The following OLFM3 variants were observed in gnomAD, a reference collection of about 807,000 sequenced individuals.
OLFM3 encodes olfactomedin 3.
OLFM3 carries 20 observed loss-of-function variants against 48.6 expected under a neutral mutation model. That is an observed-to-expected ratio of 0.41 (90% CI 0.29 to 0.60). The LOEUF is 0.60. Ranked by LOEUF, OLFM3 falls within the 20% of genes least tolerant of loss-of-function variation. The pLI is 0.28. For missense variants in OLFM3, 437 were observed against 544.3 expected, an observed-to-expected ratio of 0.80 and a Z score of 1.96; for synonymous variants, 222 against 198.1, an observed-to-expected ratio of 1.12 and a Z score of -1.01.
intron 1 of OLFM3, among the ~76,000 whole-genome samples, chr1:101,873,937 ATC>A: frequency 6.6e-6 from 1 of 151,904 alleles, no homozygotes; most frequent in Non-Finnish European, 1.5e-5. Context: ...AAAATAATTA[ATC>A]TCCAACTTCA....
intron 1 of OLFM3, chr1:101,882,384 TTA>T (rs1451887852): frequency 1.3e-5 from 2 of 149,358 alleles, no homozygotes; most frequent in African/African-American, 4.9e-5. Context: ...TCTGATATTG[TTA>T]TATAATCATA....
chr1:101,892,296 T>C (rs1177973916), intron 1 of OLFM3, among the ~76,000 whole-genome samples: 3 of 151,980 alleles, frequency 2.0e-5, no homozygotes, highest in Non-Finnish European at 4.4e-5. Context: ...GTATTCTCCA[T>C]AAACCCTTCT....
rs1425547452 is a variant in OLFM3, at chr1:101,915,375, G to T, written c.70-78350C>A. ...GGGATTTAATCTGTTAAAAAAAAAA[G>T]CATGTTTAAAACAAGTAAAGGGCAC... On this transcript the variant is annotated intron_variant, in intron 1 of 5. Coordinates refer to ENST00000370103, the MANE Select transcript of OLFM3 (RefSeq NM_058170.4). 6.6e-5 allele frequency among the ~76,000 whole-genome samples: 10 copies of T among 150,976 alleles called. No homozygotes were observed. In the South Asian group the frequency reaches 2.1e-3, roughly 32 times the overall value.
intron 1 of OLFM3, among the ~76,000 whole-genome samples, chr1:101,861,624 C>T (rs1656660602): frequency 6.6e-6 from 1 of 152,106 alleles, no homozygotes. Flanking sequence ...TCTTACTGTC[C>T]ATGTGAAGTT....
At chr1:101,814,218 T>C (rs1016841147) in intron 4 of OLFM3, among the ~76,000 whole-genome samples, 1 of 152,028 alleles carries the variant, frequency 6.6e-6, no homozygotes. Flanking sequence ...AGCTTTTGTA[T>C]GTGACCTATG....
At chr1:101,986,910 T>G (rs1661258276) in intron 1 of OLFM3, among the ~76,000 whole-genome samples, 1 of 152,138 alleles carries the variant, frequency 6.6e-6, no homozygotes, top group African/African-American at 2.4e-5. Context: ...ACTGAAATAT[T>G]TAAATACATA....
intron 1 of OLFM3, among the ~76,000 whole-genome samples, chr1:101,972,039 T>C (rs1660819304): frequency 1.3e-5 from 2 of 152,104 alleles, no homozygotes; most frequent in South Asian, 4.1e-4. Context: ...AATTTATTTC[T>C]TTTTAAATCA....
chr1:101,964,121 T>C (rs761019916), intron 1 of OLFM3, among the ~76,000 whole-genome samples: 1 of 152,182 alleles, frequency 6.6e-6, no homozygotes, highest in Non-Finnish European at 1.5e-5. Context: ...CAAAGCTTTA[T>C]AGAAGAGATT....
At chr1:101,918,328 T>C (rs1373750341) in intron 1 of OLFM3, among the ~76,000 whole-genome samples, 1 of 152,166 alleles carries the variant, frequency 6.6e-6, no homozygotes, top group Non-Finnish European at 1.5e-5. Flanking sequence ...CAAATTAATA[T>C]CTTAAGTTGT....
chr1:101,968,956 A>G (rs1163175240), intron 1 of OLFM3, among the ~76,000 whole-genome samples: 2 of 152,198 alleles, frequency 1.3e-5, no homozygotes, highest in African/African-American at 4.8e-5. Context: ...AGATAGCTCC[A>G]TAGAGCCTTT....
intron 1 of OLFM3, among the ~76,000 whole-genome samples, chr1:101,851,830 A>G (rs531736277): frequency 7.9e-5 from 12 of 152,252 alleles, no homozygotes; most frequent in South Asian, 2.1e-4. Flanking sequence ...CCTCTGTGCA[A>G]TAAATCAGTT....
chr1:101,969,747 T>C (rs1404806764), intron 1 of OLFM3, among the ~76,000 whole-genome samples: 1 of 152,046 alleles, frequency 6.6e-6, no homozygotes, highest in East Asian at 1.9e-4. Context: ...TTTTCCCCCG[T>C]CCATACCATC....
chr1:101,928,693 G>A (rs551957771), intron 1 of OLFM3, among the ~76,000 whole-genome samples: 1 of 152,240 alleles, frequency 6.6e-6, no homozygotes, highest in South Asian at 2.1e-4. Flanking sequence ...AACTATAGAT[G>A]CAGCAGCAAC....
At chr1:101,977,346 G>C (rs1660983573) in intron 1 of OLFM3, among the ~76,000 whole-genome samples, 1 of 152,030 alleles carries the variant, frequency 6.6e-6, no homozygotes, top group Non-Finnish European at 1.5e-5. Flanking sequence ...GTCAAATTTA[G>C]ATCTGTTTGT....
At chr1:101,992,330 C>G (rs1415656347) in intron 1 of OLFM3, among the ~76,000 whole-genome samples, 5 of 152,174 alleles carry the variant, frequency 3.3e-5, no homozygotes, top group Admixed American at 2.6e-4. Context: ...ATATTTACTT[C>G]TTCCACAATA....
chr1:101,945,396 C>T (rs763653113), intron 1 of OLFM3, among the ~76,000 whole-genome samples: 5 of 152,044 alleles, frequency 3.3e-5, no homozygotes, highest in African/African-American at 1.2e-4. Context: ...GTGAAAAAGC[C>T]AGACATAAAG....
At chr1:101,947,052 A>G (rs1399941786) in intron 1 of OLFM3, among the ~76,000 whole-genome samples, 1 of 152,150 alleles carries the variant, frequency 6.6e-6, no homozygotes, top group Non-Finnish European at 1.5e-5. Flanking sequence ...CAATCAGACA[A>G]TTGCATGGTT....
intron 1 of OLFM3, among the ~76,000 whole-genome samples, chr1:101,977,081 G>A (rs1255218394): frequency 6.6e-6 from 1 of 152,112 alleles, no homozygotes; most frequent in African/African-American, 2.4e-5. Context: ...GGAAATCTCA[G>A]TAGTAGTTAT....
intron 1 of OLFM3, among the ~76,000 whole-genome samples, chr1:101,979,051 T>C (rs914081964): frequency 2.0e-5 from 3 of 152,184 alleles, no homozygotes; most frequent in East Asian, 1.9e-4. Context: ...TTAGAATTTT[T>C]GGAAGGAACA....
Sources: gnomAD v4.1 joint callset for allele counts (sites outside exome capture counted in the v4.1 genomes callset) on GRCh38, gnomAD v4.1.1 for gene constraint, MANE v1.5 for transcripts, NCBI Gene and HGNC (gene_info 2026-07-23, HGNC 2026-07-21) for gene names.